The following TECRL variants were observed in gnomAD, a reference collection of about 807,000 sequenced individuals.
TECRL encodes trans-2,3-enoyl-CoA reductase like, also known as trans-2,3-enoyl-CoA reductase-like.
A neutral mutation model predicts 52.8 loss-of-function variants in TECRL; 63 were observed. The observed-to-expected ratio is 1.19, with a 90% confidence interval of 0.97 to 1.47. TECRL has a LOEUF of 1.47. TECRL is among the 40% of genes most tolerant of loss of function. TECRL has a pLI of 0.00. For missense variants in TECRL, 482 were observed against 429.6 expected (o/e 1.12, Z -1.08); for synonymous variants, 164 against 141.9 (o/e 1.16, Z -1.10).
At chr4:64,385,671 G>A (rs962743275) in intron 1 of TECRL, among the ~76,000 whole-genome samples, 3 of 152,070 alleles carry the variant, frequency 2.0e-5, no homozygotes, top group Non-Finnish European at 4.4e-5. Context: ...AATTTACTGG[G>A]GACTGAGCTC....
chr4:64,310,020 A>G (rs1240678337), intron 5 of TECRL, 89 bp from the exon 6 acceptor site: 1 of 706,740 alleles, frequency 1.4e-6, no homozygotes, highest in Non-Finnish European at 2.4e-6. Context: ...TTTTAGTTTA[A>G]TATGCTAGCT....
chr4:64,316,592 G>A (rs1057100529), intron 4 of TECRL, among the ~76,000 whole-genome samples: 1 of 152,056 alleles, frequency 6.6e-6, no homozygotes, highest in African/African-American at 2.4e-5. Flanking sequence ...ATGGTCTTCT[G>A]AAAATGGAAC....
intron 8 of TECRL, among the ~76,000 whole-genome samples, chr4:64,294,702 C>A (rs887470714): frequency 6.6e-6 from 1 of 151,946 alleles, no homozygotes; most frequent in East Asian, 1.9e-4. Context: ...TACAAAGAAC[C>A]GTGGTAATAA....
In TECRL at chr4:64,318,115, G is replaced by A. The variant is rs529326663; in HGVS notation, c.436-3352C>T. On this transcript the variant is annotated intron_variant, in intron 4 of 11. Transcript: ENST00000381210. Reference sequence around the variant, plus strand: ...TATTTGAAAGAAGATAAAAATCACCGTAAGTCTCAGCTATCATTAAAATTT... The same window carrying A: ...TATTTGAAAGAAGATAAAAATCACCATAAGTCTCAGCTATCATTAAAATTT... 4.4e-4 allele frequency among the ~76,000 whole-genome samples: 67 copies of A among 152,182 alleles called. 1 individual carries two copies. Among genetic ancestry groups the A allele is most frequent in the Admixed American group, 3.9e-3 (59 of 15,276 alleles).
chr4:64,336,438 T>C (rs1403786165), intron 2 of TECRL, among the ~76,000 whole-genome samples: 1 of 152,200 alleles, frequency 6.6e-6, no homozygotes, highest in Non-Finnish European at 1.5e-5. Flanking sequence ...ATCAATTTTG[T>C]TGATCTTTTC....
chr4:64,356,335 C>T (rs896828768), intron 2 of TECRL, among the ~76,000 whole-genome samples: 1 of 152,028 alleles, frequency 6.6e-6, no homozygotes, highest in Non-Finnish European at 1.5e-5. Flanking sequence ...AAGAGGAAAG[C>T]CTCTTGCAGT....
intron 5 of TECRL, among the ~76,000 whole-genome samples, chr4:64,313,631 G>A (rs1265528938): frequency 1.1e-4 from 16 of 149,992 alleles, no homozygotes; most frequent in African/African-American, 3.4e-4. Flanking sequence ...ACAGGCACCC[G>A]CCACCACGCC....
intron 3 of TECRL, 69 bp from the exon 4 acceptor site, chr4:64,322,861 A>G: frequency 1.7e-6 from 2 of 1,175,646 alleles, no homozygotes; most frequent in Non-Finnish European, 2.4e-6. Flanking sequence ...AGAATTTCTT[A>G]GTGTAAAATC....
chr4:64,292,103 CTGAG>C (rs1279699018), intron 8 of TECRL, among the ~76,000 whole-genome samples: 2 of 151,926 alleles, frequency 1.3e-5, no homozygotes, highest in African/African-American at 4.8e-5. Flanking sequence ...TAGGTAAAGG[CTGAG>C]TAAGATCAAG....
chr4:64,327,984 T>G (rs537719425), intron 3 of TECRL, among the ~76,000 whole-genome samples: 2 of 152,082 alleles, frequency 1.3e-5, no homozygotes, highest in African/African-American at 4.8e-5. Context: ...TGATGTAGTG[T>G]CAGCAACAGT....
chr4:64,318,197 G>T (rs941078212), intron 4 of TECRL, among the ~76,000 whole-genome samples: 5 of 152,032 alleles, frequency 3.3e-5, no homozygotes, highest in African/African-American at 1.2e-4. Flanking sequence ...CAAACAGACT[G>T]TGAGCAAAAC....
chr4:64,308,730 G>A (rs1334000105), intron 6 of TECRL, among the ~76,000 whole-genome samples: 1 of 152,196 alleles, frequency 6.6e-6, no homozygotes, highest in Admixed American at 6.5e-5. Flanking sequence ...GGCATAAGGA[G>A]ATGGTAACAG....
chr4:64,355,659 G>A (rs898541149), intron 2 of TECRL, among the ~76,000 whole-genome samples: 4 of 151,560 alleles, frequency 2.6e-5, no homozygotes, highest in South Asian at 2.1e-4. Context: ...AAAATTAGCC[G>A]GGCATGGTGT....
chr4:64,363,592 T>C (rs1721355258), intron 2 of TECRL, among the ~76,000 whole-genome samples: 1 of 152,064 alleles, frequency 6.6e-6, no homozygotes, highest in Admixed American at 6.6e-5. Context: ...CTTAGAACTT[T>C]TTAAAAGAGG....
At chr4:64,283,743 T>A (rs1276450455) in intron 9 of TECRL, among the ~76,000 whole-genome samples, 2 of 152,062 alleles carry the variant, frequency 1.3e-5, no homozygotes, top group African/African-American at 4.8e-5. Context: ...TCCAATCCAA[T>A]GCAGATCTGT....
chr4:64,282,767 G>GA (rs752704615), intron 9 of TECRL, among the ~76,000 whole-genome samples: 6 of 152,034 alleles, frequency 3.9e-5, no homozygotes, highest in Non-Finnish European at 8.8e-5. Flanking sequence ...TTATGACACA[G>GA]AAAAATATAT....
intron 2 of TECRL, among the ~76,000 whole-genome samples, chr4:64,343,039 T>G (rs1420109254): frequency 6.6e-6 from 1 of 152,086 alleles, no homozygotes; most frequent in Non-Finnish European, 1.5e-5. Flanking sequence ...CAGTTAAAAT[T>G]ATGTTTCTAA....
At chr4:64,369,671 G>A (rs1254107839) in intron 2 of TECRL, among the ~76,000 whole-genome samples, 2 of 151,802 alleles carry the variant, frequency 1.3e-5, no homozygotes, top group Admixed American at 6.6e-5. Context: ...GTGACCTGGG[G>A]CAAGTTATAT....
At chr4:64,345,356 G>A (rs924413281) in intron 2 of TECRL, among the ~76,000 whole-genome samples, 2 of 152,022 alleles carry the variant, frequency 1.3e-5, no homozygotes, top group Admixed American at 6.6e-5. Context: ...ATACACCATG[G>A]AATAATATGC....
Sources: allele counts gnomAD v4.1 joint callset (sites outside exome capture counted in the v4.1 genomes callset), GRCh38; gene constraint gnomAD v4.1.1; transcripts MANE v1.5; gene names NCBI Gene and HGNC (gene_info 2026-07-23, HGNC 2026-07-21).